RPRD2: variants seen among roughly 807,000 people sequenced by gnomAD.
RPRD2 encodes the protein regulation of nuclear pre-mRNA domain containing 2.
Under a neutral mutation model 104.4 loss-of-function variants are expected in RPRD2, and 12 were observed. That is an observed-to-expected ratio of 0.11 (90% CI 0.07 to 0.19). RPRD2 has a LOEUF of 0.19. Ranked by LOEUF, RPRD2 falls within the 10% of genes least tolerant of loss-of-function variation. The pLI, the probability that RPRD2 is intolerant of heterozygous loss-of-function variation, is 1.00. For synonymous variants in RPRD2, 714 were observed against 684.9 expected, an observed-to-expected ratio of 1.04 and a Z score of -0.66; for missense variants, 1,543 against 1,790.1, an observed-to-expected ratio of 0.86 and a Z score of 2.49.
Position 150,441,923 on chromosome 1 carries a change from A to T in RPRD2, c.479A>T (p.Asn160Ile). The T allele has an allele frequency of 6.2e-7, 1 of 1,613,166 alleles. No homozygotes were observed. Residue 160 changes from asparagine to isoleucine, a missense_variant, in exon 4 of 11, where the codon AAC (asparagine) becomes ATC (isoleucine). Asn to Ile is a moderately radical substitution (Grantham distance 149). This residue lies in a region of RPRD2 where 572 missense variants were observed against 787.3 expected (regional missense o/e 0.73). Coordinates refer to ENST00000369068, the MANE Select transcript of RPRD2 (RefSeq NM_015203.5). ...CAGAAGCAGCTGAAAGAAAATCTGA[A>T]CAAACAACCGAATAAGCAGTGGAAG... ...KTQKQLKENL[N>I]KQPNKQWKKS...
At chr1:150,386,650 A>G (rs587717367) in intron 1 of RPRD2, among the ~76,000 whole-genome samples, 11 of 151,930 alleles carry the variant, frequency 7.2e-5, no homozygotes, top group African/African-American at 2.6e-4. Flanking sequence ...TGTGGGTCTC[A>G]TGGTGTTTAC....
chr1:150,460,087 A>G lies in RPRD2; in HGVS notation c.1181A>G (p.Glu394Gly). The G allele has an allele frequency of 6.2e-7, 1 of 1,614,008 alleles. No homozygotes were observed. Among genetic ancestry groups the G allele is most frequent in the Non-Finnish European group, 8.5e-7 (1 of 1,179,862 alleles). Reference sequence around the variant, plus strand: ...GAGGACAGGAAGGAAAAACCTGCAGAGAAGTCAGCTGTATCCACTTCTGTA... The same window carrying G: ...GAGGACAGGAAGGAAAAACCTGCAGGGAAGTCAGCTGTATCCACTTCTGTA... ...IVEDRKEKPAEKSAVSTSVPT... is the reference protein window; with the variant it reads ...IVEDRKEKPAGKSAVSTSVPT... Residue 394 changes from glutamate (E) to glycine (G), a missense_variant, in exon 9 of 11, where the codon GAG (glutamate) becomes GGG (glycine). Coordinates refer to ENST00000369068, the MANE Select transcript of RPRD2 (RefSeq NM_015203.5).
intron 2 of RPRD2, among the ~76,000 whole-genome samples, chr1:150,424,083 C>T (rs1450106618): frequency 6.6e-6 from 1 of 152,134 alleles, no homozygotes; most frequent in Non-Finnish European, 1.5e-5. Flanking sequence ...TGAGCCACAG[C>T]ACCCGGCCAG....
Position 150,408,158 on chromosome 1 carries a change from A to ATTTTTTTTTTT in RPRD2, c.206-9425_206-9415dup, listed in dbSNP as rs10684924. Among the ~76,000 whole-genome samples the ATTTTTTTTTTT allele has an allele frequency of 2.0e-4, 19 of 95,094 alleles. 3 individuals are homozygous for ATTTTTTTTTTT. Among genetic ancestry groups the ATTTTTTTTTTT allele is most frequent in the African/African-American group, 5.1e-4 (11 of 21,396 alleles). The allele number at this position is 95,094 out of a possible 152,430, so 62.4% of individuals were successfully genotyped here. On this transcript the variant is annotated intron_variant, in intron 1 of 10. Coordinates refer to ENST00000369068, the MANE Select transcript of RPRD2 (RefSeq NM_015203.5). ...ACATTTATTTTAAAATATTCATATGATTTTTTTTTTTTTTTTTTTTTTTGG... is the reference window on the plus strand; with the variant it reads ...ACATTTATTTTAAAATATTCATATGATTTTTTTTTTTTTTTTTTTTTTTTTTTTTTTTTTGG...
At chr1:150,462,357 A>G (rs1553899003) in intron 9 of RPRD2, among the ~76,000 whole-genome samples, 1 of 151,948 alleles carries the variant, frequency 6.6e-6, no homozygotes, top group Non-Finnish European at 1.5e-5. Flanking sequence ...AGGCATAAGT[A>G]TCATTTGAAC....
chr1:150,461,706 C>G (rs587640800), intron 9 of RPRD2, among the ~76,000 whole-genome samples: 1 of 151,910 alleles, frequency 6.6e-6, no homozygotes, highest in Non-Finnish European at 1.5e-5. Context: ...TATGGCCGAG[C>G]GTGGTGGCTC....
intron 1 of RPRD2, among the ~76,000 whole-genome samples, chr1:150,372,682 T>C (rs2102090074): frequency 6.6e-6 from 1 of 152,252 alleles, no homozygotes; most frequent in East Asian, 1.9e-4. Context: ...AAGGCCTCAC[T>C]GAGAAGGTGA....
rs1375062280 is a variant in RPRD2 at position 150,456,001 on chromosome 1, T to G, written c.871-1287T>G. Among the ~76,000 whole-genome samples the G allele has an allele frequency of 2.0e-5, 3 of 151,964 alleles. 1 individual carries two copies. The East Asian group carries it at 5.8e-4, about 29-fold the overall frequency. On this transcript the variant is annotated intron_variant, in intron 7 of 10. Coordinates refer to ENST00000369068, the MANE Select transcript of RPRD2 (RefSeq NM_015203.5). ...GCTACTATGCCCAGCTAATTTTTTTTTATTTTTTTGTAGAGACAGTATCTC... is the reference window on the plus strand; with the variant it reads ...GCTACTATGCCCAGCTAATTTTTTTGTATTTTTTTGTAGAGACAGTATCTC...
intron 1 of RPRD2, among the ~76,000 whole-genome samples, chr1:150,371,854 T>C (rs587678490): frequency 1.1e-4 from 16 of 152,352 alleles, no homozygotes; most frequent in African/African-American, 3.6e-4. Context: ...GCTTATTTAT[T>C]CAAGATTTAG....
In RPRD2 at chr1:150,474,710, G is replaced by A. The variant is rs1372457929; in HGVS notation, c.*1376G>A. The A allele has an allele frequency of 6.6e-6, 1 of 151,906 alleles. No homozygotes were observed. The highest frequency in any genetic ancestry group is 2.4e-5 in the African/African-American group (1 of 41,330). The allele number at this position is 151,906 out of a possible 1,614,324, so 9.4% of individuals were successfully genotyped here. ...TTTACTACAATTTTTTTTTAATTTA[G>A]TGTCTTACCCCAAGGCATACTCAAC... On this transcript the variant is annotated 3_prime_UTR_variant, in exon 11 of 11. Transcript: ENST00000369068.
intron 1 of RPRD2, among the ~76,000 whole-genome samples, chr1:150,367,059 A>C (rs1256156484): frequency 6.6e-6 from 1 of 152,212 alleles, no homozygotes; most frequent in Non-Finnish European, 1.5e-5. Flanking sequence ...TGAAAAAATG[A>C]ATGCTCCAGG....
At chr1:150,377,570 C>T (rs1660808866) in intron 1 of RPRD2, among the ~76,000 whole-genome samples, 1 of 150,756 alleles carries the variant, frequency 6.6e-6, no homozygotes, top group African/African-American at 2.4e-5. Flanking sequence ...TGCACTCTAG[C>T]CTGGGCGACA....
intron 7 of RPRD2, among the ~76,000 whole-genome samples, chr1:150,452,229 T>G (rs762206679): frequency 1.3e-5 from 2 of 150,692 alleles, no homozygotes; most frequent in African/African-American, 4.9e-5. Flanking sequence ...TAGGCAGATA[T>G]TGAAGCCATG....
Position 150,453,205 on chromosome 1 carries a change from G to C in RPRD2, c.871-4083G>C, listed in dbSNP as rs148427447. ...ACACCACCACGCCCAGCTAATTTTT[G>C]TATTTTTAGTAGAGACGAGGTTTCA... On this transcript the variant is annotated intron_variant, in intron 7 of 10. Transcript: ENST00000369068. 8.6e-4 allele frequency among the ~76,000 whole-genome samples: 130 copies of C among 151,682 alleles called. 1 individual carries two copies. Among genetic ancestry groups the C allele is most frequent in the African/African-American group, 3.1e-3 (127 of 41,368 alleles).
intron 7 of RPRD2, among the ~76,000 whole-genome samples, chr1:150,453,749 A>G (rs1425417986): frequency 6.6e-6 from 1 of 152,148 alleles, no homozygotes; most frequent in Non-Finnish European, 1.5e-5. Flanking sequence ...ATTTGGACCT[A>G]TCTCTTAGCA....
intron 2 of RPRD2, among the ~76,000 whole-genome samples, chr1:150,430,575 A>G (rs1572458091): frequency 1.3e-5 from 2 of 152,118 alleles, no homozygotes; most frequent in African/African-American, 4.8e-5. Context: ...CTGAGGCGGG[A>G]GGATCATTTG....
chr1:150,399,979 T>C (rs1553885002), intron 1 of RPRD2, among the ~76,000 whole-genome samples: 2 of 152,184 alleles, frequency 1.3e-5, no homozygotes, highest in East Asian at 1.9e-4. Flanking sequence ...TGGACATTAA[T>C]TTGGGGGCAG....
rs370139897 is a variant in RPRD2, at chr1:150,462,666, C to T, written c.1412-1861C>T. The stretch of plus-strand genomic sequence containing the variant: ...CCGCCTCCCAGGTCACGCCATTCTC[C>T]TGCCTCAGCCTCCTGAGTAGCTGGG... On this transcript the variant is annotated intron_variant, in intron 9 of 10. Transcript: ENST00000369068. 2.6e-4 allele frequency among the ~76,000 whole-genome samples: 39 copies of T among 152,158 alleles called. 1 individual carries two copies. In the East Asian group the frequency reaches 4.7e-3, roughly 18 times the overall value.
At chr1:150,452,661 C>CCTTTTTTTTTT (rs1553896876) in intron 7 of RPRD2, among the ~76,000 whole-genome samples, 1 of 71,220 alleles carries the variant, frequency 1.4e-5, no homozygotes, top group African/African-American at 5.7e-5. Context: ...GACATATCCC[C>CCTTTTTTTTTT]TTTTTTTTTT....
Sources: gnomAD v4.1 joint callset for allele counts (sites outside exome capture counted in the v4.1 genomes callset) on GRCh38, gnomAD v4.1.1 for gene constraint, gnomAD v4.1.1 regional missense constraint, MANE v1.5 for transcripts, NCBI Gene and HGNC (gene_info 2026-07-23, HGNC 2026-07-21) for gene names.